DCHS1: variants seen among roughly 807,000 people sequenced by gnomAD.
DCHS1 encodes protocadherin-16.
A neutral mutation model predicts 213.9 loss-of-function variants in DCHS1; 78 were observed. That is an observed-to-expected ratio of 0.36 (90% CI 0.30 to 0.44). The LOEUF (loss-of-function observed/expected upper bound fraction) is 0.44, where lower values mean the gene tolerates loss of function less well. Among genes scored for constraint, DCHS1 ranks in the 20% least tolerant of loss-of-function variants. DCHS1 has a pLI of 1.00. For synonymous variants in DCHS1, 1,828 were observed against 1,873.7 expected (o/e 0.98, Z 0.63); for missense variants, 3,946 against 4,395.9 (o/e 0.90, Z 2.89).
At chr11:6,624,922 C>T (rs2134614738) in intron 19 of DCHS1, 54 bp from the exon 20 acceptor site, 6 of 1,604,762 alleles carry the variant, frequency 3.7e-6, no homozygotes, top group Middle Eastern at 1.7e-4. Flanking sequence ...CCCTGCTGTC[C>T]ATGCAGCCTG....
Position 6,625,018 on chromosome 11 carries a change from A to T in DCHS1, c.7147-150T>A. 1 of 1,392,466 alleles carries T rather than the reference A, an allele frequency of 7.2e-7. No individual in the cohort carries two copies. The highest frequency in any genetic ancestry group is 9.8e-7 in the Non-Finnish European group (1 of 1,025,098). The allele number at this position is 1,392,466 out of a possible 1,614,324, so 86.3% of individuals were successfully genotyped here. ...CTAAGTATTCGAATGGGAAATGCCC[A>T]CCTTCTCCCCTTTCTGGGTACAGGA... On this transcript the variant is annotated intron_variant, in intron 19 of 20. Transcript: ENST00000299441. The surrounding 1 kb of genome is among the most constrained non-coding windows in gnomAD (Gnocchi z 5.3).
At chr11:6,629,635 G>A in intron 11 of DCHS1, 37 bp downstream of exon 11, 1 of 1,612,682 alleles carries the variant, frequency 6.2e-7, no homozygotes. Context: ...TCTTGCCCCA[G>A]TCCATCCCAC....
intron 2 of DCHS1, among the ~76,000 whole-genome samples, chr11:6,637,369 A>G (rs948936702): frequency 5.3e-5 from 8 of 152,286 alleles, no homozygotes; most frequent in African/African-American, 1.2e-4. Context: ...ATTTCTCTAG[A>G]TATTGCTAAT....
In DCHS1 at chr11:6,632,823, G is replaced by T; in HGVS notation, c.2689C>A (p.Pro897Thr). ...GGTGGTAGCAATACCGTGTCTTCAG[G>T]TGCAGGAAAGGCAGGGGAGTTGTCA... The part of the protein sequence containing the change: ...VNDNSPAFPA[P>T]EDTVLLPPNT... The change falls in exon 6 of 21, where the codon CCT (proline) becomes ACT (threonine). Residue 897 changes from proline (P) to threonine (T), a missense_variant. Physicochemically the swap from Pro to Thr is conservative, Grantham distance 38. Around this residue, in one of 3 missense-constraint regions of DCHS1, gnomAD observed 3,384 missense variants for 3,780.1 expected, o/e 0.90. Transcript: ENST00000299441. This position sits in a 1 kb window ranked among gnomAD's most constrained non-coding sequence, Gnocchi z 5.9. 1 of 1,614,016 alleles carries T rather than the reference G, an allele frequency of 6.2e-7. No homozygotes were observed. Among genetic ancestry groups the T allele is most frequent in the Non-Finnish European group, 8.5e-7 (1 of 1,179,876 alleles).
chr11:6,626,739 C>A lies in DCHS1; in HGVS notation c.6250+50G>T, dbSNP rs1294705780. On this transcript the variant is annotated intron_variant, in intron 14 of 20. Coordinates refer to ENST00000299441, the MANE Select transcript of DCHS1 (RefSeq NM_003737.4). This position sits in a 1 kb window ranked among gnomAD's most constrained non-coding sequence, Gnocchi z 5.2. Reference sequence around the variant, plus strand: ...TTTGGGGGACATTTTCAAAGCACAACCCCAGCCCATTTGGGAGTCTGAATC... The same window carrying A: ...TTTGGGGGACATTTTCAAAGCACAAACCCAGCCCATTTGGGAGTCTGAATC... The A allele has an allele frequency of 2.5e-6, 4 of 1,609,848 alleles. No individual in the cohort carries two copies. The African/African-American group carries it at 4.0e-5, about 16-fold the overall frequency.
intron 7 of DCHS1, 27 bp from the exon 8 acceptor site, chr11:6,631,434 G>A (rs775251361): frequency 1.2e-6 from 2 of 1,613,314 alleles, no homozygotes; most frequent in South Asian, 1.1e-5. Flanking sequence ...CACCTAGTGA[G>A]TCTCTTTCCT....
At chr11:6,655,441 C>T in intron 1 of DCHS1, 122 bp downstream of exon 1, 1 of 632,398 alleles carries the variant, frequency 1.6e-6, no homozygotes, top group Non-Finnish European at 2.0e-6. Flanking sequence ...CCAGGCCCCC[C>T]CTCCCCCATT....
At chr11:6,651,205 G>A (rs1226909432) in intron 1 of DCHS1, among the ~76,000 whole-genome samples, 5 of 152,342 alleles carry the variant, frequency 3.3e-5, no homozygotes, top group South Asian at 4.1e-4. Context: ...AAGCCTGCCC[G>A]GTGGAGTCAT....
At chr11:6,647,187 G>A (rs1380965110) in intron 1 of DCHS1, among the ~76,000 whole-genome samples, 1 of 152,216 alleles carries the variant, frequency 6.6e-6, no homozygotes, top group Non-Finnish European at 1.5e-5. Flanking sequence ...AAAGAAAGAG[G>A]AAGTGAGAAG....
At chr11:6,639,088 C>T (rs989703948) in intron 2 of DCHS1, among the ~76,000 whole-genome samples, 5 of 148,224 alleles carry the variant, frequency 3.4e-5, no homozygotes, top group African/African-American at 1.2e-4. Flanking sequence ...CCAGCCTGGG[C>T]AACAGAGCGA....
At position 6,633,815 on chromosome 11, in the gene DCHS1, G is replaced by A. The variant is rs528648883; in HGVS notation, c.2192C>T (p.Pro731Leu). 6.2e-7 allele frequency: 1 copy of A among 1,613,714 alleles called. No individual in the cohort carries two copies. The highest frequency in any genetic ancestry group is 1.7e-5 in the Admixed American group (1 of 60,024). The change falls in exon 4 of 21, where the codon CCA becomes CTA. Residue 731 changes from proline to leucine, a missense_variant. By Grantham distance (98) the Pro-to-Leu change is moderately conservative (BLOSUM62 -3). This residue lies in a region of DCHS1 where 3,384 missense variants were observed against 3,780.1 expected (regional missense o/e 0.90). Coordinates refer to ENST00000299441, the MANE Select transcript of DCHS1 (RefSeq NM_003737.4). ...TGATTGCTCATCCAAGGTAAAAAGTGGGGGGCTGTTGCCAGCCAGGATATG... is the reference window on the plus strand; with the variant it reads ...TGATTGCTCATCCAAGGTAAAAAGTAGGGGGCTGTTGCCAGCCAGGATATG... ...SYHILAGNSPPLFTLDEQSGL... is the reference protein window; with the variant it reads ...SYHILAGNSPLLFTLDEQSGL...
chr11:6,621,362 A>G lies in DCHS1; in HGVS notation c.*417T>C, dbSNP rs528543158. 1.3e-4 allele frequency: 41 copies of G among 323,098 alleles called. No individual in the cohort carries two copies. The highest frequency in any genetic ancestry group is 7.1e-4 in the African/African-American group (33 of 46,650). The allele number at this position is 323,098 out of a possible 1,614,324, so 20.0% of individuals were successfully genotyped here. On this transcript the variant is annotated 3_prime_UTR_variant, in exon 21 of 21. Transcript: ENST00000299441. ...TGCAGTTTATTAAGGCTCCAGAGTG[A>G]GAAATGGCACTTGGTTCTGGGCAGG...
At chr11:6,634,393 TAA>T (rs1855959551) in intron 2 of DCHS1, 87 bp from the exon 3 acceptor site, 1 of 1,431,800 alleles carries the variant, frequency 7.0e-7, no homozygotes, top group Admixed American at 2.4e-5. Context: ...CAACTGGTGC[TAA>T]GTCTCTGGAT....
rs925922536 is a variant in DCHS1 at position 6,626,466 on chromosome 11, C to T, written c.6364+86G>A. 1.2e-6 allele frequency: 2 copies of T among 1,602,960 alleles called. No homozygotes were observed. The highest frequency in any genetic ancestry group is 1.7e-6 in the Non-Finnish European group (2 of 1,171,886). On this transcript the variant is annotated intron_variant, in intron 15 of 20. Transcript: ENST00000299441. This position sits in a 1 kb window ranked among gnomAD's most constrained non-coding sequence, Gnocchi z 5.2. Reference sequence around the variant, plus strand: ...TAAGACCCCTTACTCAAGGACAGCCCTTCACCCATCAAAGGCTCCTCTGAT... The same window carrying T: ...TAAGACCCCTTACTCAAGGACAGCCTTTCACCCATCAAAGGCTCCTCTGAT...
At position 6,621,936 on chromosome 11, in the gene DCHS1, G is replaced by A. The variant is rs977153762; in HGVS notation, c.9740C>T (p.Ser3247Leu). The change falls in exon 21 of 21, where the codon TCA becomes TTA. Residue 3247 changes from serine (S) to leucine (L), a missense_variant. Ser to Leu is a moderately radical substitution (Grantham distance 145). Transcript: ENST00000299441. ...SPISHEGSLS[S>L]AAMSPSFSPS... The stretch of plus-strand genomic sequence containing the variant: ...TGAGAAGCTGGGGGACATGGCAGCT[G>A]AGGACAGGGAGCCTTCATGGCTGAT... 1 of 1,613,368 alleles carries A rather than the reference G, an allele frequency of 6.2e-7. No homozygotes were observed. Among genetic ancestry groups the A allele is most frequent in the Middle Eastern group, 1.6e-4 (1 of 6,062 alleles).
Position 6,631,351 on chromosome 11 carries a change from T to G in DCHS1, c.3732A>C (p.Pro1244=). Residue 1244 remains proline, a synonymous_variant, in exon 8 of 21, where the codon CCA becomes CCC. Transcript: ENST00000299441. ...AGATGGTCCCATTCTCCCCCTCATC[T>G]GGATCCTTCGCCTGCAGAGTCGTCA... ...TLVTTLQAKD[P]DEGENGTILY... 1 of 1,613,992 alleles carries G rather than the reference T, an allele frequency of 6.2e-7. No individual in the cohort carries two copies. Among genetic ancestry groups the G allele is most frequent in the Non-Finnish European group, 8.5e-7 (1 of 1,179,872 alleles).
chr11:6,633,138 A>G (rs945100517), intron 5 of DCHS1, 82 bp from the exon 6 acceptor site: 2 of 1,482,744 alleles, frequency 1.3e-6, no homozygotes, highest in African/African-American at 2.8e-5. Flanking sequence ...CCCGAGAAGG[A>G]CTGGGCAGTG....
intron 1 of DCHS1, among the ~76,000 whole-genome samples, chr11:6,652,229 C>T (rs1261950586): frequency 2.0e-5 from 3 of 152,064 alleles, no homozygotes; most frequent in Non-Finnish European, 4.4e-5. Context: ...ACAAAAACAA[C>T]TCAAGGAGAA....
intron 2 of DCHS1, among the ~76,000 whole-genome samples, chr11:6,638,807 G>T (rs1349969333): frequency 6.6e-6 from 1 of 152,128 alleles, no homozygotes; most frequent in African/African-American, 2.4e-5. Flanking sequence ...CACACCTGCT[G>T]ATCCAATCAC....
Sources: gnomAD v4.1 joint callset for allele counts (sites outside exome capture counted in the v4.1 genomes callset) on GRCh38, gnomAD v4.1.1 for gene constraint, gnomAD v4.1.1 regional missense constraint, Gnocchi (gnomAD v3.1) non-coding constraint, MANE v1.5 for transcripts, NCBI Gene and HGNC (gene_info 2026-07-23, HGNC 2026-07-21) for gene names.